Variants in CDH13 observed in about 807,000 individuals in gnomAD.
CDH13 encodes the protein cadherin 13.
CDH13 carries 24 observed loss-of-function variants against 63.8 expected under a neutral mutation model. The observed-to-expected ratio is 0.38, with a 90% confidence interval of 0.27 to 0.53. CDH13 has a LOEUF of 0.53. CDH13 is among the 20% of genes least tolerant of loss of function. The pLI is 0.85. For synonymous variants in CDH13, 503 were observed against 355.3 expected (o/e 1.42, Z -4.67); for missense variants, 1,049 against 903.1 (o/e 1.16, Z -2.07).
chr16:83,010,135 C>CAAAAAAAAAAAAAAAAAAAAAAAAA (rs67985333), intron 2 of CDH13, among the ~76,000 whole-genome samples: 5 of 50,118 alleles, frequency 1.0e-4, no homozygotes, highest in Non-Finnish European at 1.0e-4. Flanking sequence ...AACTCTGTCT[C>CAAAAAAAAAAAAAAAAAAAAAAAAA]AAAAAAAAAA....
chr16:83,105,372 C>T (rs556987923), intron 3 of CDH13, among the ~76,000 whole-genome samples: 1 of 152,354 alleles, frequency 6.6e-6, no homozygotes, highest in South Asian at 2.1e-4. Context: ...GGAACCACCA[C>T]ATGTGAAGTC....
intron 8 of CDH13, chr16:83,655,224 T>C (rs1912763509): frequency 6.6e-6 from 1 of 152,232 alleles, no homozygotes; most frequent in Non-Finnish European, 1.5e-5. Flanking sequence ...GCCTGGCCTT[T>C]GGATAGCAGG....
chr16:83,086,211 CAG>C (rs1367819721), intron 3 of CDH13, among the ~76,000 whole-genome samples: 2 of 152,206 alleles, frequency 1.3e-5, no homozygotes, highest in Non-Finnish European at 2.9e-5. Context: ...TTTTCTCAGA[CAG>C]AGTCTTGAGA....
intron 2 of CDH13, among the ~76,000 whole-genome samples, chr16:82,980,565 CTG>C (rs933366601): frequency 1.3e-5 from 2 of 152,178 alleles, no homozygotes; most frequent in Non-Finnish European, 2.9e-5. Flanking sequence ...CATGGTAACA[CTG>C]TGCGGAGCTC....
chr16:83,726,120 T>C (rs1054021581), intron 10 of CDH13: 2 of 152,258 alleles, frequency 1.3e-5, no homozygotes, highest in African/African-American at 4.8e-5. Context: ...TTGGTCTGAA[T>C]CTTCCCACAA....
intron 2 of CDH13, among the ~76,000 whole-genome samples, chr16:83,002,581 C>T (rs769171874): frequency 6.6e-6 from 1 of 152,230 alleles, no homozygotes; most frequent in South Asian, 2.1e-4. Context: ...TGTTCATTCT[C>T]GCTTGGTGCA....
chr16:82,765,336 A>G (rs2035014397), intron 1 of CDH13, among the ~76,000 whole-genome samples: 1 of 152,198 alleles, frequency 6.6e-6, no homozygotes, highest in African/African-American at 2.4e-5. Context: ...GCTATTATGC[A>G]TCTGGTGTAA....
intron 3 of CDH13, chr16:83,032,423 G>A (rs1319483132): frequency 8.9e-6 from 5 of 564,172 alleles, no homozygotes; most frequent in African/African-American, 3.8e-5. Flanking sequence ...GGCATAGTTC[G>A]TGGATTAATT....
chr16:83,307,977 C>A (rs566158195), intron 5 of CDH13, among the ~76,000 whole-genome samples: 1 of 152,224 alleles, frequency 6.6e-6, no homozygotes, highest in South Asian at 2.1e-4. Context: ...TGCAGCATGC[C>A]ACCTTCATAA....
chr16:83,113,521 TGTA>T (rs1221365007), intron 3 of CDH13, among the ~76,000 whole-genome samples: 1 of 152,176 alleles, frequency 6.6e-6, no homozygotes, highest in East Asian at 1.9e-4. Context: ...ACCAGGAAAA[TGTA>T]GAGTCTGCCC....
intron 1 of CDH13, among the ~76,000 whole-genome samples, chr16:82,800,835 T>C (rs1162053679): frequency 1.3e-5 from 2 of 152,232 alleles, no homozygotes; most frequent in Non-Finnish European, 2.9e-5. Context: ...ATGTTGAGTT[T>C]GGTTATTTTA....
chr16:83,725,494 G>C (rs1457202164), intron 10 of CDH13: 3 of 152,490 alleles, frequency 2.0e-5, no homozygotes, highest in Non-Finnish European at 4.4e-5. Context: ...TGTGGGCACA[G>C]GATCTCTGCC....
At chr16:83,461,136 G>A (rs1225074336) in intron 6 of CDH13, among the ~76,000 whole-genome samples, 1 of 152,068 alleles carries the variant, frequency 6.6e-6, no homozygotes, top group Admixed American at 6.5e-5. Context: ...AAGCTGGGTG[G>A]TGGATACAAG....
intron 1 of CDH13, among the ~76,000 whole-genome samples, chr16:82,813,348 C>G (rs1051448682): frequency 6.6e-6 from 1 of 152,142 alleles, no homozygotes; most frequent in Non-Finnish European, 1.5e-5. Context: ...ACTGCAGTAT[C>G]TCTGCAGCTG....
intron 10 of CDH13, among the ~76,000 whole-genome samples, chr16:83,731,046 T>C (rs1403619728): frequency 1.3e-5 from 2 of 152,268 alleles, no homozygotes; most frequent in Non-Finnish European, 2.9e-5. Flanking sequence ...CACTGCATTT[T>C]CTTTATCCAT....
chr16:83,226,141 G>A (rs2039830670), intron 5 of CDH13, among the ~76,000 whole-genome samples: 2 of 152,112 alleles, frequency 1.3e-5, no homozygotes, highest in Admixed American at 1.3e-4. Flanking sequence ...CTGCACCTCT[G>A]ATCACCTCCA....
At chr16:83,483,466 C>CTTTTTTTT (rs11327354) in intron 6 of CDH13, among the ~76,000 whole-genome samples, 4 of 147,038 alleles carry the variant, frequency 2.7e-5, no homozygotes, top group Non-Finnish European at 6.0e-5. Flanking sequence ...CCTGAAAGGT[C>CTTTTTTTT]TTTTTTTTTT....
chr16:83,565,806 C>T (rs999942250), intron 7 of CDH13, among the ~76,000 whole-genome samples: 1 of 151,950 alleles, frequency 6.6e-6, no homozygotes, highest in African/African-American at 2.4e-5. Context: ...TGGCTTCTGA[C>T]TTTTCTTTTG....
At chr16:83,523,918 T>C (rs1468674294) in intron 7 of CDH13, among the ~76,000 whole-genome samples, 3 of 152,168 alleles carry the variant, frequency 2.0e-5, no homozygotes, top group African/African-American at 4.8e-5. Flanking sequence ...AGAATGAAGA[T>C]TCACCTTCTC....
Sources: gnomAD v4.1 joint callset for allele counts (sites outside exome capture counted in the v4.1 genomes callset) on GRCh38, gnomAD v4.1.1 for gene constraint, MANE v1.5 for transcripts, NCBI Gene and HGNC (gene_info 2026-07-23, HGNC 2026-07-21) for gene names.